DENND3: variants seen among roughly 807,000 people sequenced by gnomAD.
DENND3 encodes DENN domain-containing protein 3.
Under a neutral mutation model 135.1 loss-of-function variants are expected in DENND3, and 88 were observed. The ratio of observed to expected loss-of-function variants is 0.65; its 90% CI spans 0.55 to 0.78. The LOEUF (loss-of-function observed/expected upper bound fraction) is 0.78, where lower values mean the gene tolerates loss of function less well. Ranked by LOEUF, DENND3 falls within the 30% of genes least tolerant of loss-of-function variation. DENND3 has a pLI of 0.00. For synonymous variants in DENND3, 693 were observed against 712.3 expected, an observed-to-expected ratio of 0.97 and a Z score of 0.43; for missense variants, 1,392 against 1,688.4, an observed-to-expected ratio of 0.82 and a Z score of 3.08.
chr8:141,191,715 C>T (rs1368480466), intron 20 of DENND3: 2 of 152,622 alleles, frequency 1.3e-5, no homozygotes, highest in Non-Finnish European at 2.9e-5. Flanking sequence ...CTGTGCAGGC[C>T]CCTGCCCACT....
rs1818187500 is a variant in DENND3, at chr8:141,146,693, G to T, written c.735+2434G>T. 1.3e-5 allele frequency among the ~76,000 whole-genome samples: 2 copies of T among 152,136 alleles called. No individual in the cohort carries two copies. The highest frequency in any genetic ancestry group is 4.1e-4 in the South Asian group (2 of 4,820). ...AACATTACCCCAACCCCAGCAGTCT[G>T]CTGGGTGGAAAATCCTGCCGGTGCA... is the stretch of plus-strand genomic sequence containing the variant. On this transcript the variant is annotated intron_variant, in intron 5 of 22. Transcript: ENST00000519811. The surrounding 1 kb of genome is among the most constrained non-coding windows in gnomAD (Gnocchi z 4.3).
rs923100975 is a variant in DENND3, at chr8:141,141,947, C to T, written c.623+623C>T. On this transcript the variant is annotated intron_variant, in intron 4 of 22. Coordinates refer to ENST00000519811, the MANE Select transcript of DENND3 (RefSeq NM_001352890.3). The surrounding 1 kb of genome is among the most constrained non-coding windows in gnomAD (Gnocchi z 5.3). ...TAGTCCCAGCTACTGGGAAGGCTAA[C>T]GCAGGAGGATGGCTTAAGCCTAGGA... The T allele has an allele frequency of 4.5e-5, 9 of 198,556 alleles. No homozygotes were observed. Among genetic ancestry groups the T allele is most frequent in the East Asian group, 1.6e-4 (1 of 6,210 alleles). The allele number at this position is 198,556 out of a possible 1,614,324, so 12.3% of individuals were successfully genotyped here. A position where few individuals can be genotyped will look rare whatever the true frequency, so the allele number is the denominator to read the frequency against.
chr8:141,182,054 C>G lies in DENND3; in HGVS notation c.2944+1200C>G, dbSNP rs1455523165. Among the ~76,000 whole-genome samples the G allele has an allele frequency of 4.6e-5, 7 of 152,178 alleles. No individual in the cohort carries two copies. Among genetic ancestry groups the G allele is most frequent in the Non-Finnish European group, 1.0e-4 (7 of 68,026 alleles). On this transcript the variant is annotated intron_variant, in intron 17 of 22. Transcript: ENST00000519811. The surrounding 1 kb of genome is among the most constrained non-coding windows in gnomAD (Gnocchi z 5.9). ...AGCGATACCTCTCCACCTTGGCCTC[C>G]CGAAGCGCTGGGATTACAGGTGTGA... is the stretch of plus-strand genomic sequence containing the variant.
Position 141,185,127 on chromosome 8 carries a change from TCTC to T in DENND3, c.2945-8_2945-6del. On this transcript the variant is annotated splice_polypyrimidine_tract_variant and intron_variant, in intron 17 of 22. Transcript: ENST00000519811. ...TTTCCTCCTAACAGTTTTGTGCTGC[TCTC>T]CTCTTTAGGGCATCTTGACCCAGCC... The T allele has an allele frequency of 6.2e-7, 1 of 1,610,328 alleles. No homozygotes were observed. Among genetic ancestry groups the T allele is most frequent in the Non-Finnish European group, 8.5e-7 (1 of 1,177,206 alleles).
rs1723501800 is a variant in DENND3 at position 141,141,119 on chromosome 8, G to A, written c.502-84G>A. The A allele has an allele frequency of 1.9e-6, 3 of 1,599,100 alleles. No homozygotes were observed. Among genetic ancestry groups the A allele is most frequent in the African/African-American group, 1.3e-5 (1 of 74,744 alleles). On this transcript the variant is annotated intron_variant, in intron 3 of 22. Transcript: ENST00000519811. This position sits in a 1 kb window ranked among gnomAD's most constrained non-coding sequence, Gnocchi z 5.3. ...GGATGGTGGACTCTCAGCTTGCTGTGTGCTGAAACGTGACCCAGTTGGAAA... is the reference window on the plus strand; with the variant it reads ...GGATGGTGGACTCTCAGCTTGCTGTATGCTGAAACGTGACCCAGTTGGAAA...
At chr8:141,192,702 G>A (rs1160441730) in intron 22 of DENND3, 39 bp downstream of exon 22, 3 of 1,606,590 alleles carry the variant, frequency 1.9e-6, no homozygotes, top group Admixed American at 1.7e-5. Context: ...ATCCCCGGCA[G>A]GTCTCGCTTG....
chr8:141,190,459 C>A, intron 20 of DENND3, 42 bp downstream of exon 20: 1 of 1,555,626 alleles, frequency 6.4e-7, no homozygotes, highest in African/African-American at 1.4e-5. Context: ...CCCTACCTCC[C>A]TGCTCTGGGA....
At chr8:141,157,634 G>A (rs2154613021) in intron 8 of DENND3, 2 of 986,052 alleles carry the variant, frequency 2.0e-6, no homozygotes, top group South Asian at 4.7e-5. Context: ...TGGGAGGAGT[G>A]GGAAGGAGGA....
intron 1 of DENND3, among the ~76,000 whole-genome samples, chr8:141,134,452 T>C (rs1192547542): frequency 1.3e-5 from 2 of 151,436 alleles, no homozygotes; most frequent in Non-Finnish European, 2.9e-5. Context: ...CCCGCCACCA[T>C]GCCCGGCTAA....
rs542815053 is a variant in DENND3 at position 141,138,032 on chromosome 8, C to T, written c.396C>T (p.Cys132=). Residue 132 remains cysteine (C), a synonymous_variant, in exon 3 of 23, where the codon TGC becomes TGT. Transcript: ENST00000519811. The surrounding 1 kb of genome is among the most constrained non-coding windows in gnomAD (Gnocchi z 4.8). ...TCTTTCTGCCTGCAGGGGGTGTGTGCGTGGCCACTGAACCTAAGGAGGATT... is the reference window on the plus strand; with the variant it reads ...TCTTTCTGCCTGCAGGGGGTGTGTGTGTGGCCACTGAACCTAAGGAGGATT... ...LPQLCFPGGV[C]VATEPKEDCV... is the part of the protein sequence containing the mutation. 6.9e-6 allele frequency: 11 copies of T among 1,600,464 alleles called. No homozygotes were observed. Among genetic ancestry groups the T allele is most frequent in the African/African-American group, 2.7e-5 (2 of 74,854 alleles).
intron 10 of DENND3, 50 bp from the exon 11 acceptor site, chr8:141,165,136 G>A (rs1482564910): frequency 1.4e-6 from 2 of 1,455,864 alleles, no homozygotes; most frequent in Non-Finnish European, 1.9e-6. Context: ...TTGGAGCAGG[G>A]ACCTGGGGAG....
At position 141,139,044 on chromosome 8, in the gene DENND3, G is replaced by T. The variant is rs943926052; in HGVS notation, c.501+907G>T. ...GAATCAGTGGGCCTTTGGGGAACTC[G>T]TAGGGGAAACGATGTATCCAAAGGT... On this transcript the variant is annotated intron_variant, in intron 3 of 22. Transcript: ENST00000519811. The surrounding 1 kb of genome is among the most constrained non-coding windows in gnomAD (Gnocchi z 4.2). Among the ~76,000 whole-genome samples the T allele has an allele frequency of 3.3e-5, 5 of 152,180 alleles. No individual in the cohort carries two copies. Among genetic ancestry groups the T allele is most frequent in the Non-Finnish European group, 7.3e-5 (5 of 68,032 alleles).
In DENND3 at chr8:141,190,599, G is replaced by T. The variant is rs1252422482; in HGVS notation, c.3379+182G>T. On this transcript the variant is annotated intron_variant, in intron 20 of 22. Coordinates refer to ENST00000519811, the MANE Select transcript of DENND3 (RefSeq NM_001352890.3). ...TCCACCTGCACTGCTGCTCCTGGGG[G>T]CTCCCCAGGCCTCCCTCTGCCTTTC... The T allele has an allele frequency of 3.3e-5, 30 of 900,428 alleles. No homozygotes were observed. In the East Asian group the frequency reaches 9.2e-4, roughly 28 times the overall value. The allele number at this position is 900,428 out of a possible 1,614,324, so 55.8% of individuals were successfully genotyped here. A position where few individuals can be genotyped will look rare whatever the true frequency, so the allele number is the denominator to read the frequency against.
At position 141,150,881 on chromosome 8, in the gene DENND3, C is replaced by T; in HGVS notation, c.783C>T (p.Asp261=). 1 of 1,609,998 alleles carries T rather than the reference C, an allele frequency of 6.2e-7. No homozygotes were observed. Among genetic ancestry groups the T allele is most frequent in the Non-Finnish European group, 8.5e-7 (1 of 1,179,028 alleles). ...SLQIVLPARA[D]PESPILDLDL... is the part of the protein sequence containing the mutation. The stretch of plus-strand genomic sequence containing the variant: ...AGATTGTGTTACCTGCCCGAGCAGA[C>T]CCCGAAAGCCCCATCCTGGACCTGG... The change falls in exon 6 of 23, where the codon GAC becomes GAT. Residue 261 remains aspartate (D), a synonymous_variant. Coordinates refer to ENST00000519811, the MANE Select transcript of DENND3 (RefSeq NM_001352890.3).
Position 141,150,934 on chromosome 8 carries a change from G to T in DENND3, c.836G>T (p.Arg279Met). The change falls in exon 6 of 23, where the codon AGG becomes ATG. Residue 279 changes from arginine to methionine, a missense_variant. By Grantham distance (91) the Arg-to-Met change is moderately conservative. Transcript: ENST00000519811. Reference sequence around the variant, plus strand: ...CTTCACCTGCCCTTGCTGTGCTTCAGGCCTGAGAAGGTGCTACAGGTACGC... The same window carrying T: ...CTTCACCTGCCCTTGCTGTGCTTCATGCCTGAGAAGGTGCTACAGGTACGC... ...LDLHLPLLCFRPEKVLQILTC... is the reference protein window; with the variant it reads ...LDLHLPLLCFMPEKVLQILTC... 1 of 1,594,614 alleles carries T rather than the reference G, an allele frequency of 6.3e-7. No homozygotes were observed. Among genetic ancestry groups the T allele is most frequent in the Non-Finnish European group, 8.5e-7 (1 of 1,173,912 alleles).
At position 141,137,032 on chromosome 8, in the gene DENND3, T is replaced by G. The variant is rs1015016517; in HGVS notation, c.385+241T>G. On this transcript the variant is annotated intron_variant, in intron 2 of 22. Coordinates refer to ENST00000519811, the MANE Select transcript of DENND3 (RefSeq NM_001352890.3). The surrounding 1 kb of genome is among the most constrained non-coding windows in gnomAD (Gnocchi z 4.1). ...CGTCACTCTGTCACTCAGGCTGGAGTTCAGTGGCACAATCTCCTTTCACTT... is the reference window on the plus strand; with the variant it reads ...CGTCACTCTGTCACTCAGGCTGGAGGTCAGTGGCACAATCTCCTTTCACTT... Among the ~76,000 whole-genome samples the G allele has an allele frequency of 6.6e-6, 1 of 152,082 alleles. No homozygotes were observed. Among genetic ancestry groups the G allele is most frequent in the Non-Finnish European group, 1.5e-5 (1 of 68,006 alleles).
At chr8:141,134,325 C>G (rs1010268613) in intron 1 of DENND3, among the ~76,000 whole-genome samples, 2 of 151,286 alleles carry the variant, frequency 1.3e-5, no homozygotes, top group African/African-American at 2.4e-5. Context: ...GAGACAGTCT[C>G]GCTCTGTTGC....
chr8:141,160,559 TG>T, intron 8 of DENND3, 72 bp from the exon 9 acceptor site: 2 of 1,444,224 alleles, frequency 1.4e-6, no homozygotes, highest in Non-Finnish European at 9.2e-7. Context: ...ATTTACCTGG[TG>T]GGCTGTGTGC....
At chr8:141,173,207 G>A (rs1328099833) in intron 13 of DENND3, among the ~76,000 whole-genome samples, 3 of 152,246 alleles carry the variant, frequency 2.0e-5, no homozygotes, top group South Asian at 2.1e-4. Flanking sequence ...GACAGGCCCC[G>A]CCCACTGGGC....
Sources: allele counts gnomAD v4.1 joint callset (sites outside exome capture counted in the v4.1 genomes callset), GRCh38; gene constraint gnomAD v4.1.1; non-coding constraint Gnocchi (gnomAD v3.1); transcripts MANE v1.5; gene names NCBI Gene and HGNC (gene_info 2026-07-23, HGNC 2026-07-21).